PVT1: variants seen among roughly 807,000 people sequenced by gnomAD.
PVT1 encodes CXCR4/PVT1 fusion.
intron 3 of PVT1, among the ~76,000 whole-genome samples, chr8:127,972,738 C>CA (rs1417657440): frequency 1.3e-5 from 2 of 151,518 alleles, no homozygotes; most frequent in African/African-American, 2.4e-5. Flanking sequence ...GACTCTGTCT[C>CA]AAAAAAAATA....
At chr8:127,831,196 G>C (rs1205019495) in intron 2 of PVT1, among the ~76,000 whole-genome samples, 2 of 150,826 alleles carry the variant, frequency 1.3e-5, no homozygotes, top group Non-Finnish European at 2.9e-5. Flanking sequence ...TCCCTCCAGG[G>C]AACCCTGACT....
intron 4 of PVT1, among the ~76,000 whole-genome samples, chr8:128,048,138 G>A (rs1045686597): frequency 3.9e-5 from 6 of 152,128 alleles, no homozygotes; most frequent in African/African-American, 9.7e-5. Flanking sequence ...CCTCTTTACT[G>A]ACCTGTAAGT....
chr8:127,964,071 A>G (rs548466990), intron 3 of PVT1, among the ~76,000 whole-genome samples: 2 of 152,364 alleles, frequency 1.3e-5, no homozygotes, highest in African/African-American at 4.8e-5. Flanking sequence ...TTGCAGATGA[A>G]GGAGTGCCAT....
At chr8:128,001,827 C>T (rs1359539755) in intron 4 of PVT1, among the ~76,000 whole-genome samples, 1 of 152,206 alleles carries the variant, frequency 6.6e-6, no homozygotes, top group East Asian at 1.9e-4. Flanking sequence ...CGCGTCCTCA[C>T]ATGGAGGAAG....
At chr8:128,038,910 T>C (rs1300358981) in intron 4 of PVT1, among the ~76,000 whole-genome samples, 1 of 152,072 alleles carries the variant, frequency 6.6e-6, no homozygotes, top group Non-Finnish European at 1.5e-5. Context: ...CCTCTCTCCC[T>C]CTCCAGATGT....
chr8:127,957,873 G>C (rs1000401625), intron 3 of PVT1, among the ~76,000 whole-genome samples: 1 of 152,254 alleles, frequency 6.6e-6, no homozygotes, highest in African/African-American at 2.4e-5. Flanking sequence ...CAGCTTCCCT[G>C]CCGTGCCTCG....
At chr8:128,075,237 C>A (rs995000427) in intron 5 of PVT1, among the ~76,000 whole-genome samples, 1 of 152,054 alleles carries the variant, frequency 6.6e-6, no homozygotes, top group Non-Finnish European at 1.5e-5. Flanking sequence ...TATTTTCCTA[C>A]TCTGCTCTGA....
At position 127,985,436 on chromosome 8, in the gene PVT1, C is replaced by CTT. The variant is rs549166946; in HGVS notation, n.783-3712_783-3711dup. Among the ~76,000 whole-genome samples the CTT allele has an allele frequency of 6.7e-3, 951 of 142,114 alleles. 11 individuals carry two copies. Among genetic ancestry groups the CTT allele is most frequent in the African/African-American group, 0.023 (871 of 38,698 alleles). 93.2% of individuals were successfully genotyped at this position (142,114 alleles called of 152,430 possible). A position where few individuals can be genotyped will look rare whatever the true frequency, so the allele number is the denominator to read the frequency against. Reference sequence around the variant, plus strand: ...GCCACTGTGCCCGGCTGAGTAGCTGCTTTTTTTTTTTTTTTAATCCTCGAT... The same window carrying CTT: ...GCCACTGTGCCCGGCTGAGTAGCTGCTTTTTTTTTTTTTTTTTAATCCTCGAT... On this transcript the variant is annotated intron_variant and non_coding_transcript_variant, in intron 3 of 10. Coordinates refer to ENST00000651587, the Ensembl canonical transcript of PVT1.
At chr8:127,915,852 C>T (rs890336828) in intron 3 of PVT1, among the ~76,000 whole-genome samples, 13 of 152,342 alleles carry the variant, frequency 8.5e-5, no homozygotes, top group Admixed American at 6.5e-4. Flanking sequence ...TTTTGTTTCG[C>T]TTTGCTTCAG....
At chr8:127,869,667 G>A (rs1815329479) in intron 2 of PVT1, among the ~76,000 whole-genome samples, 1 of 152,152 alleles carries the variant, frequency 6.6e-6, no homozygotes, top group African/African-American at 2.4e-5. Flanking sequence ...CTGCAAGCTT[G>A]AGAATGTTTG....
chr8:127,984,856 T>C (rs1816928998), intron 3 of PVT1, among the ~76,000 whole-genome samples: 1 of 43,102 alleles, frequency 2.3e-5, no homozygotes, highest in Admixed American at 3.4e-4. Flanking sequence ...TTTCTTTCTT[T>C]CTTTCTTTCT....
chr8:127,851,234 A>G (rs1026999381), intron 2 of PVT1, among the ~76,000 whole-genome samples: 2 of 152,274 alleles, frequency 1.3e-5, no homozygotes, highest in East Asian at 1.9e-4. Context: ...GGCCTGCTCT[A>G]TAAGTGTCAC....
intron 5 of PVT1, chr8:128,070,376 A>G (rs1408184183): frequency 6.6e-6 from 1 of 152,226 alleles, no homozygotes; most frequent in African/African-American, 2.4e-5. Flanking sequence ...GTCATAGTGC[A>G]CACTCACACT....
chr8:127,871,357 G>T (rs956243524), intron 2 of PVT1, among the ~76,000 whole-genome samples: 3 of 152,248 alleles, frequency 2.0e-5, no homozygotes, highest in Non-Finnish European at 2.9e-5. Context: ...CTCATGGAAT[G>T]CAGGGGAATG....
At chr8:128,051,133 T>A (rs1813689228) in intron 4 of PVT1, among the ~76,000 whole-genome samples, 1 of 152,216 alleles carries the variant, frequency 6.6e-6, no homozygotes, top group Non-Finnish European at 1.5e-5. Context: ...CGAAATTGAT[T>A]GAGTGCACAT....
chr8:127,965,508 A>G (rs1386572693), intron 3 of PVT1, among the ~76,000 whole-genome samples: 1 of 152,198 alleles, frequency 6.6e-6, no homozygotes, highest in Non-Finnish European at 1.5e-5. Context: ...GGAATGTGGC[A>G]TCGTCCTGGC....
chr8:127,843,915 T>C (rs1815001210), intron 2 of PVT1, among the ~76,000 whole-genome samples: 1 of 152,028 alleles, frequency 6.6e-6, no homozygotes, highest in African/African-American at 2.4e-5. Flanking sequence ...TGGCAGGGGA[T>C]TGTTGATATT....
chr8:128,026,301 TA>T (rs1211998494), intron 4 of PVT1, among the ~76,000 whole-genome samples: 7 of 149,098 alleles, frequency 4.7e-5, no homozygotes, highest in African/African-American at 1.8e-4. Flanking sequence ...GAAGACTTTT[TA>T]TTTTTTTATT....
chr8:127,931,169 G>T (rs767936799), intron 3 of PVT1, among the ~76,000 whole-genome samples: 7 of 152,232 alleles, frequency 4.6e-5, no homozygotes, highest in Non-Finnish European at 8.8e-5. Flanking sequence ...GCCTCATAAA[G>T]TGCTGGAATT....
Sources: gnomAD v4.1 joint callset for allele counts (sites outside exome capture counted in the v4.1 genomes callset) on GRCh38, gnomAD v4.1.1 for gene constraint, MANE v1.5 for transcripts, NCBI Gene and HGNC (gene_info 2026-07-23, HGNC 2026-07-21) for gene names.